CERS6: variants seen among roughly 807,000 people sequenced by gnomAD.
The protein encoded by CERS6 is LAG1 homolog, ceramide synthase 6.
CERS6 carries 26 observed loss-of-function variants against 56.8 expected under a neutral mutation model. The observed-to-expected ratio is 0.46, with a 90% CI of 0.34 to 0.63. The LOEUF (loss-of-function observed/expected upper bound fraction) is 0.63. Ranked by LOEUF, CERS6 falls within the 30% of genes least tolerant of loss-of-function variation. The pLI, the probability that CERS6 is intolerant of heterozygous loss-of-function variation, is 0.01. For synonymous variants in CERS6, 164 were observed against 173.3 expected, an observed-to-expected ratio of 0.95 and a Z score of 0.42; for missense variants, 415 against 467.5, an observed-to-expected ratio of 0.89 and a Z score of 1.04.
At chr2:168,684,290 C>G (rs565405336) in intron 4 of CERS6, among the ~76,000 whole-genome samples, 1 of 152,160 alleles carries the variant, frequency 6.6e-6, no homozygotes, top group African/African-American at 2.4e-5. Context: ...AGTCACATGT[C>G]TACTGTCCCA....
intron 8 of CERS6, among the ~76,000 whole-genome samples, chr2:168,758,522 C>T (rs56372916): frequency 0.046 from 6,967 of 152,200 alleles, 238 homozygotes; most frequent in African/African-American, 0.09. Context: ...GGCAAATTTG[C>T]GGTTACTTGA....
intron 8 of CERS6, among the ~76,000 whole-genome samples, chr2:168,757,175 C>G (rs779304479): frequency 6.6e-6 from 1 of 151,946 alleles, no homozygotes. Context: ...ACATAGGCAA[C>G]AAAGAGCTAA....
chr2:168,687,837 G>A lies in CERS6; in HGVS notation c.466-3197G>A, dbSNP rs956209688. 3.3e-5 allele frequency among the ~76,000 whole-genome samples: 5 copies of A among 152,190 alleles called. No homozygotes were observed. In the South Asian group the frequency reaches 1.0e-3, roughly 32 times the overall value. On this transcript the variant is annotated intron_variant, in intron 4 of 9. Coordinates refer to ENST00000305747, the MANE Select transcript of CERS6 (RefSeq NM_203463.3). The stretch of plus-strand genomic sequence containing the variant: ...TCCTACCTCAGCCTCCTGAGTAGCT[G>A]GGACTATAGGCATATGCCACCGTGC...
At chr2:168,576,745 T>C (rs1054286184) in intron 3 of CERS6, among the ~76,000 whole-genome samples, 2 of 151,984 alleles carry the variant, frequency 1.3e-5, no homozygotes, top group African/African-American at 4.8e-5. Flanking sequence ...TATACACACA[T>C]ACATACATAC....
At chr2:168,614,768 G>C (rs903155998) in intron 3 of CERS6, among the ~76,000 whole-genome samples, 3 of 152,092 alleles carry the variant, frequency 2.0e-5, no homozygotes, top group African/African-American at 4.8e-5. Context: ...GCCCCAACCT[G>C]ATGGTCCTTC....
intron 3 of CERS6, among the ~76,000 whole-genome samples, chr2:168,590,515 G>A (rs1375730405): frequency 6.6e-6 from 1 of 152,108 alleles, no homozygotes; most frequent in African/African-American, 2.4e-5. Flanking sequence ...AAGTTTCAAA[G>A]TAAAATTGCT....
chr2:168,767,900 A>G (rs1684762272), intron 9 of CERS6, among the ~76,000 whole-genome samples: 1 of 152,208 alleles, frequency 6.6e-6, no homozygotes, highest in Non-Finnish European at 1.5e-5. Context: ...CTATGAAGGG[A>G]GGCCACCAGG....
At chr2:168,570,675 C>T (rs1324854531) in intron 3 of CERS6, among the ~76,000 whole-genome samples, 1 of 152,058 alleles carries the variant, frequency 6.6e-6, no homozygotes, top group East Asian at 1.9e-4. Flanking sequence ...CAAGAGGCAA[C>T]TGATCTTGAA....
At chr2:168,522,334 A>G (rs17202193) in intron 1 of CERS6, among the ~76,000 whole-genome samples, 25,864 of 152,164 alleles carry the variant, frequency 0.17, 2,836 homozygotes, top group Non-Finnish European at 0.24. Context: ...AGGATAAACT[A>G]TTGGCTATTT....
At chr2:168,635,375 A>C (rs1316864632) in intron 4 of CERS6, among the ~76,000 whole-genome samples, 1 of 152,182 alleles carries the variant, frequency 6.6e-6, no homozygotes, top group African/African-American at 2.4e-5. Flanking sequence ...TGCTGGAGTG[A>C]AGATGCACTG....
chr2:168,517,490 TC>T (rs1216938760), intron 1 of CERS6, among the ~76,000 whole-genome samples: 3 of 147,022 alleles, frequency 2.0e-5, no homozygotes, highest in Non-Finnish European at 1.5e-5. Context: ...AGACACTGCC[TC>T]AAAAAATAAA....
intron 3 of CERS6, among the ~76,000 whole-genome samples, chr2:168,594,261 G>A (rs1480418021): frequency 6.6e-6 from 1 of 151,994 alleles, no homozygotes; most frequent in Non-Finnish European, 1.5e-5. Flanking sequence ...CTTCTTTGTC[G>A]AGTGACTCAT....
At chr2:168,548,602 T>C (rs1695509253) in intron 2 of CERS6, among the ~76,000 whole-genome samples, 1 of 152,244 alleles carries the variant, frequency 6.6e-6, no homozygotes, top group African/African-American at 2.4e-5. Flanking sequence ...TCTGGGAGAA[T>C]TACCCAGGCT....
intron 5 of CERS6, 138 bp downstream of exon 5, chr2:168,691,222 A>G (rs2105361297): frequency 2.8e-6 from 2 of 719,448 alleles, no homozygotes; most frequent in Non-Finnish European, 4.9e-6. Flanking sequence ...AGTGCTGGAC[A>G]TAATCTAGTG....
At chr2:168,695,774 C>T (rs1028860324) in intron 6 of CERS6, among the ~76,000 whole-genome samples, 2 of 152,188 alleles carry the variant, frequency 1.3e-5, no homozygotes, top group East Asian at 1.9e-4. Flanking sequence ...TGAGTTGATA[C>T]TTCCTGACAC....
chr2:168,524,566 C>T (rs183192909), intron 1 of CERS6, among the ~76,000 whole-genome samples: 132 of 152,168 alleles, frequency 8.7e-4, no homozygotes, highest in African/African-American at 1.4e-4. Context: ...AAAGAAAATC[C>T]GTGTAACGAA....
chr2:168,578,737 A>G (rs1266608471), intron 3 of CERS6, among the ~76,000 whole-genome samples: 1 of 152,124 alleles, frequency 6.6e-6, no homozygotes, highest in Non-Finnish European at 1.5e-5. Context: ...CTTGCTTTTA[A>G]AAAAAGGTTT....
At chr2:168,638,561 G>C (rs1173711736) in intron 4 of CERS6, among the ~76,000 whole-genome samples, 1 of 151,846 alleles carries the variant, frequency 6.6e-6, no homozygotes, top group African/African-American at 2.4e-5. Flanking sequence ...TTTATATTTT[G>C]ACATTTAAGG....
chr2:168,738,832 C>T (rs916590400), intron 8 of CERS6, among the ~76,000 whole-genome samples: 2 of 152,082 alleles, frequency 1.3e-5, no homozygotes, highest in South Asian at 2.1e-4. Flanking sequence ...CAGCAGACAG[C>T]CAGAAGTGGT....
Sources: allele counts gnomAD v4.1 joint callset (sites outside exome capture counted in the v4.1 genomes callset), GRCh38; gene constraint gnomAD v4.1.1; transcripts MANE v1.5; gene names NCBI Gene and HGNC (gene_info 2026-07-23, HGNC 2026-07-21).